The following LRMDA variants were observed in gnomAD, a reference collection of about 807,000 sequenced individuals.
LRMDA encodes leucine rich melanocyte differentiation associated, also known as leucine-rich melanocyte differentiation-associated protein.
Under a neutral mutation model 29.8 loss-of-function variants are expected in LRMDA, and 18 were observed. The ratio of observed to expected loss-of-function variants is 0.60; its 90% CI spans 0.42 to 0.90. The LOEUF (loss-of-function observed/expected upper bound fraction) is 0.90. Ranked by LOEUF, LRMDA falls within the 40% of genes least tolerant of loss-of-function variation. The probability of loss-of-function intolerance (pLI) is 0.00; values close to 1 mark genes in which losing one functional copy is unlikely to be tolerated. For missense variants in LRMDA, 273 were observed against 273.9 expected (o/e 1.00, Z 0.02); for synonymous variants, 125 against 109.4 (o/e 1.14, Z -0.89).
At chr10:75,885,528 A>G (rs1026109715) in intron 2 of LRMDA, among the ~76,000 whole-genome samples, 1 of 152,098 alleles carries the variant, frequency 6.6e-6, no homozygotes, top group Non-Finnish European at 1.5e-5. Context: ...GTAGCTGACA[A>G]TGTGAATACA....
chr10:75,436,294 G>C (rs935170453), intron 1 of LRMDA, among the ~76,000 whole-genome samples: 1 of 152,116 alleles, frequency 6.6e-6, no homozygotes, highest in Non-Finnish European at 1.5e-5. Flanking sequence ...ATTCTAAGAG[G>C]AAAGAGCCCA....
At chr10:75,596,101 T>C (rs956003723) in intron 2 of LRMDA, among the ~76,000 whole-genome samples, 1 of 152,210 alleles carries the variant, frequency 6.6e-6, no homozygotes, top group Admixed American at 6.5e-5. Context: ...AATGAATAAA[T>C]GAAGATACTG....
chr10:75,755,129 TCTTCTC>T (rs1843016213), intron 2 of LRMDA, among the ~76,000 whole-genome samples: 1 of 152,182 alleles, frequency 6.6e-6, no homozygotes, highest in African/African-American at 2.4e-5. Context: ...AAAAATAACT[TCTTCTC>T]CTTCCCTTCA....
chr10:75,892,323 T>G (rs1283807247), intron 2 of LRMDA, among the ~76,000 whole-genome samples: 3 of 152,234 alleles, frequency 2.0e-5, no homozygotes, highest in African/African-American at 7.2e-5. Context: ...CTGACTGGGA[T>G]GTCCCTGTCA....
intron 5 of LRMDA, among the ~76,000 whole-genome samples, chr10:76,291,135 A>G (rs1249478503): frequency 6.6e-6 from 1 of 152,168 alleles, no homozygotes; most frequent in Non-Finnish European, 1.5e-5. Context: ...TTACTGCAAA[A>G]TGAATCTGAA....
intron 2 of LRMDA, among the ~76,000 whole-genome samples, chr10:76,032,562 G>A (rs1045938119): frequency 6.6e-6 from 1 of 152,202 alleles, no homozygotes; most frequent in Admixed American, 6.5e-5. Flanking sequence ...GCACTGGGAT[G>A]CTCCCAGCAG....
At chr10:75,811,465 A>G (rs546227581) in intron 2 of LRMDA, among the ~76,000 whole-genome samples, 1 of 152,234 alleles carries the variant, frequency 6.6e-6, no homozygotes, top group South Asian at 2.1e-4. Flanking sequence ...TCCCTCGGGA[A>G]CCCCTAGGGC....
At chr10:76,080,107 G>A (rs186496642) in intron 5 of LRMDA, among the ~76,000 whole-genome samples, 9 of 151,170 alleles carry the variant, frequency 6.0e-5, no homozygotes, top group East Asian at 5.8e-4. Flanking sequence ...ATTATTGTTC[G>A]CCCAATCTCT....
Position 75,692,219 on chromosome 10 carries a change from A to AAT in LRMDA, c.131+253753_131+253754dup, listed in dbSNP as rs57600678. Among the ~76,000 whole-genome samples the AAT allele has an allele frequency of 5.8e-3, 512 of 87,532 alleles. 3 individuals are homozygous for AAT. Among genetic ancestry groups the AAT allele is most frequent in the Non-Finnish European group, 8.1e-3 (403 of 49,568 alleles). The allele number at this position is 87,532 out of a possible 152,430, so 57.4% of individuals were successfully genotyped here. ...CTTGTCTCTGGGGGGAAAAAAAAAA[A>AAT]ATATATATATATATATATATATATA... is the stretch of plus-strand genomic sequence containing the variant. On this transcript the variant is annotated intron_variant, in intron 2 of 6. Coordinates refer to ENST00000611255, the MANE Select transcript of LRMDA (RefSeq NM_001305581.2).
At chr10:75,623,551 T>C (rs1459547062) in intron 2 of LRMDA, among the ~76,000 whole-genome samples, 2 of 152,228 alleles carry the variant, frequency 1.3e-5, no homozygotes, top group Admixed American at 1.3e-4. Context: ...AGGGACTGAC[T>C]GCAGGAGCTC....
At chr10:75,997,611 G>C (rs1282757119) in intron 2 of LRMDA, among the ~76,000 whole-genome samples, 5 of 152,076 alleles carry the variant, frequency 3.3e-5, no homozygotes, top group Admixed American at 3.3e-4. Context: ...ATCCAAATTT[G>C]ATGGTGGGAA....
At chr10:76,431,790 G>A (rs963384066) in intron 6 of LRMDA, among the ~76,000 whole-genome samples, 1 of 152,154 alleles carries the variant, frequency 6.6e-6, no homozygotes, top group Non-Finnish European at 1.5e-5. Flanking sequence ...GAGGAACCTG[G>A]TGGGAGGTAA....
chr10:75,577,877 C>T (rs12267707), intron 2 of LRMDA, among the ~76,000 whole-genome samples: 2,472 of 152,090 alleles, frequency 0.016, 54 homozygotes, highest in African/African-American at 0.051. Context: ...TTACAAGACT[C>T]CCTGAAGGAA....
chr10:76,436,566 A>G (rs1842246645), intron 6 of LRMDA, among the ~76,000 whole-genome samples: 1 of 152,174 alleles, frequency 6.6e-6, no homozygotes, highest in Admixed American at 6.5e-5. Context: ...CTGCTGAGTG[A>G]CAGTGACAAG....
At chr10:75,484,032 T>A (rs1301275030) in intron 2 of LRMDA, among the ~76,000 whole-genome samples, 2 of 152,176 alleles carry the variant, frequency 1.3e-5, no homozygotes, top group Non-Finnish European at 2.9e-5. Flanking sequence ...CATGGCTCGC[T>A]GCAACCTCTG....
chr10:75,776,648 A>T lies in LRMDA; in HGVS notation c.132-259360A>T, dbSNP rs953160515. Reference sequence around the variant, plus strand: ...ATCAATTGGACACTATTAGCAAGGGAATTGCATGCTGTACATTTTACCCTG... The same window carrying T: ...ATCAATTGGACACTATTAGCAAGGGTATTGCATGCTGTACATTTTACCCTG... On this transcript the variant is annotated intron_variant, in intron 2 of 6. Transcript: ENST00000611255. 3.3e-5 allele frequency among the ~76,000 whole-genome samples: 5 copies of T among 152,222 alleles called. No individual in the cohort carries two copies. The South Asian group carries it at 1.0e-3, about 32-fold the overall frequency.
At chr10:75,898,982 C>G (rs1219119068) in intron 2 of LRMDA, among the ~76,000 whole-genome samples, 1 of 152,190 alleles carries the variant, frequency 6.6e-6, no homozygotes, top group African/African-American at 2.4e-5. Context: ...ATGTGTGTAT[C>G]TTTCCACACA....
intron 6 of LRMDA, among the ~76,000 whole-genome samples, chr10:76,355,498 G>T (rs968177157): frequency 6.6e-6 from 1 of 152,176 alleles, no homozygotes; most frequent in Non-Finnish European, 1.5e-5. Context: ...TATACCTGAT[G>T]TGATCAAGGA....
chr10:76,548,743 A>C (rs1843452500), intron 6 of LRMDA, among the ~76,000 whole-genome samples: 1 of 152,190 alleles, frequency 6.6e-6, no homozygotes, highest in Non-Finnish European at 1.5e-5. Context: ...CCCCAATCCA[A>C]AAAAATAGGA....
Sources: allele counts gnomAD v4.1 joint callset (sites outside exome capture counted in the v4.1 genomes callset), GRCh38; gene constraint gnomAD v4.1.1; transcripts MANE v1.5; gene names NCBI Gene and HGNC (gene_info 2026-07-23, HGNC 2026-07-21).